DNHD1: variants seen among roughly 807,000 people sequenced by gnomAD.
DNHD1 encodes the protein dynein heavy chain domain-containing protein 1.
Under a neutral mutation model 458.1 loss-of-function variants are expected in DNHD1, and 383 were observed. That is an observed-to-expected ratio of 0.84 (90% CI 0.77 to 0.91). The LOEUF (loss-of-function observed/expected upper bound fraction) is 0.91, where lower values mean the gene tolerates loss of function less well. Ranked by LOEUF, DNHD1 falls within the 40% of genes least tolerant of loss-of-function variation. The probability of loss-of-function intolerance (pLI) is 0.00; values close to 1 mark genes in which losing one functional copy is unlikely to be tolerated. For synonymous variants in DNHD1, 2,203 were observed against 2,376.9 expected, an observed-to-expected ratio of 0.93 and a Z score of 2.13; for missense variants, 5,336 against 5,866.1, an observed-to-expected ratio of 0.91 and a Z score of 2.95.
At chr11:6,566,112 A>G in intron 33 of DNHD1, 121 bp downstream of exon 33, 1 of 1,478,446 alleles carries the variant, frequency 6.8e-7, no homozygotes, top group African/African-American at 1.4e-5. Context: ...CACTAACTAT[A>G]TTGAAGCGTC....
rs1853173622 is a variant in DNHD1, at chr11:6,544,892, G to A, written c.3953G>A (p.Arg1318Lys). ...VLSLVVPSAE[R>K]SPYFQGQQLQ... Reference sequence around the variant, plus strand: ...TCACTTGTAGTGCCCAGTGCCGAGAGGAGCCCTTACTTCCAAGGCCAGCAG... The same window carrying A: ...TCACTTGTAGTGCCCAGTGCCGAGAAGAGCCCTTACTTCCAAGGCCAGCAG... Residue 1318 changes from arginine (R) to lysine (K), a missense_variant, in exon 21 of 43, where the codon AGG (arginine) becomes AAG (lysine). By Grantham distance (26) the Arg-to-Lys change is conservative. Coordinates refer to ENST00000254579, the MANE Select transcript of DNHD1 (RefSeq NM_144666.3). 1 of 1,551,594 alleles carries A rather than the reference G, an allele frequency of 6.4e-7. No homozygotes were observed. Among genetic ancestry groups the A allele is most frequent in the South Asian group, 1.2e-5 (1 of 84,060 alleles).
At chr11:6,532,859 C>G (rs1156317727) in intron 12 of DNHD1, among the ~76,000 whole-genome samples, 168 bp from the exon 13 acceptor site, 1 of 152,136 alleles carries the variant, frequency 6.6e-6, no homozygotes, top group African/African-American at 2.4e-5. Flanking sequence ...GCACAGTCCC[C>G]AGTGCATAGC....
Position 6,571,507 on chromosome 11 carries a change from C to T in DNHD1, c.13911+84C>T. ...CTCGCAGTTACCCCTTCTTGGTGAT[C>T]TTGCCCCCGGTAACCCTGCTAGCTT... is the stretch of plus-strand genomic sequence containing the variant. On this transcript the variant is annotated intron_variant, in intron 42 of 42. Coordinates refer to ENST00000254579, the MANE Select transcript of DNHD1 (RefSeq NM_144666.3). This position sits in a 1 kb window ranked among gnomAD's most constrained non-coding sequence, Gnocchi z 5.0. The T allele has an allele frequency of 5.4e-6, 8 of 1,468,084 alleles. No homozygotes were observed. The highest frequency in any genetic ancestry group is 7.3e-6 in the Non-Finnish European group (8 of 1,101,454). The allele number at this position is 1,468,084 out of a possible 1,614,324, so 90.9% of individuals were successfully genotyped here. A position where few individuals can be genotyped will look rare whatever the true frequency, so the allele number is the denominator to read the frequency against.
At position 6,516,259 on chromosome 11, in the gene DNHD1, C is replaced by T. The variant is rs146644925; in HGVS notation, c.1393-3341C>T. Among the ~76,000 whole-genome samples the T allele has an allele frequency of 6.6e-4, 99 of 150,196 alleles. 2 individuals carry two copies. In the Middle Eastern group the frequency reaches 0.011, roughly 16 times the overall value. On this transcript the variant is annotated intron_variant, in intron 7 of 42. Transcript: ENST00000254579. ...AAACTCATTTTAAAATACATGTTTT[C>T]ACTCTCTTTTGTTTTGTCATAGTAC...
rs551487416 is a variant in DNHD1, at chr11:6,569,255, G to A, written c.12863+389G>A. 3.3e-4 allele frequency among the ~76,000 whole-genome samples: 50 copies of A among 152,208 alleles called. No homozygotes were observed. The South Asian group carries it at 4.4e-3, about 13-fold the overall frequency. ...ATCTCAGCACTTTGGGAGGCGAGGC[G>A]GATGGATCACGAGGTCAGGAGATCG... On this transcript the variant is annotated intron_variant, in intron 39 of 42. Coordinates refer to ENST00000254579, the MANE Select transcript of DNHD1 (RefSeq NM_144666.3).
chr11:6,517,652 CTTTT>C (rs59300977), intron 7 of DNHD1, among the ~76,000 whole-genome samples: 16 of 59,062 alleles, frequency 2.7e-4, no homozygotes, highest in African/African-American at 8.9e-4. Flanking sequence ...TCTAGGACTT[CTTTT>C]TTTTTTTTTT....
At position 6,571,272 on chromosome 11, in the gene DNHD1, G is replaced by T; in HGVS notation, c.13760G>T (p.Arg4587Leu). 1 of 1,612,058 alleles carries T rather than the reference G, an allele frequency of 6.2e-7. No individual in the cohort carries two copies. The highest frequency in any genetic ancestry group is 8.5e-7 in the Non-Finnish European group (1 of 1,179,562). Residue 4587 changes from arginine to leucine, a missense_variant, in exon 42 of 43, where the codon CGC becomes CTC. This residue lies in a region of DNHD1 where 698 missense variants were observed against 664.9 expected (regional missense o/e 1.05). Transcript: ENST00000254579. The surrounding 1 kb of genome is among the most constrained non-coding windows in gnomAD (Gnocchi z 5.0). ...PERVFHLSAFRHPRRLLLALR... is the reference protein window; with the variant it reads ...PERVFHLSAFLHPRRLLLALR... Reference sequence around the variant, plus strand: ...CGCGTCTTCCACCTGTCAGCCTTTCGCCACCCGCGCCGCCTGCTGCTGGCA... The same window carrying T: ...CGCGTCTTCCACCTGTCAGCCTTTCTCCACCCGCGCCGCCTGCTGCTGGCA...
Position 6,568,240 on chromosome 11 carries a change from A to G in DNHD1, c.12536A>G (p.Lys4179Arg). 1 of 1,548,660 alleles carries G rather than the reference A, an allele frequency of 6.5e-7. No homozygotes were observed. Among genetic ancestry groups the G allele is most frequent in the Non-Finnish European group, 8.7e-7 (1 of 1,144,492 alleles). Residue 4179 changes from lysine to arginine, a missense_variant and splice_region_variant, in exon 37 of 43, where the codon AAG becomes AGG. Around this residue, in one of 4 missense-constraint regions of DNHD1, gnomAD observed 695 missense variants for 804.2 expected, o/e 0.86. Transcript: ENST00000254579. Reference sequence around the variant, plus strand: ...TTGCTGGAACTGTTAGGCAGAGCCAAGGGTGAGTTTATTGCCTAGATTGGC... The same window carrying G: ...TTGCTGGAACTGTTAGGCAGAGCCAGGGGTGAGTTTATTGCCTAGATTGGC... Reference protein sequence around the residue: ...QLLLELLGRAKVVADLESEQL... With the variant: ...QLLLELLGRARVVADLESEQL...
At position 6,566,297 on chromosome 11, in the gene DNHD1, T is replaced by C. The variant is rs1053665317; in HGVS notation, c.11110T>C (p.Trp3704Arg). The change falls in exon 34 of 43, where the codon TGG becomes CGG. Residue 3704 changes from tryptophan (W) to arginine (R), a missense_variant. Physicochemically the swap from Trp to Arg is moderately radical, Grantham distance 101. Transcript: ENST00000254579. Reference protein sequence around the residue: ...ELGLGCEELQWLLQREQLSPP... With the variant: ...ELGLGCEELQRLLQREQLSPP... ...GGGTCTAGGGTGCGAAGAACTGCAA[T>C]GGCTGCTGCAACGGGAGCAGCTGAG... 11 of 1,551,820 alleles carry C rather than the reference T, an allele frequency of 7.1e-6. No individual in the cohort carries two copies. The highest frequency in any genetic ancestry group is 9.6e-6 in the Non-Finnish European group (11 of 1,147,070).
chr11:6,518,466 G>T (rs375380630), intron 7 of DNHD1, among the ~76,000 whole-genome samples: 130 of 152,238 alleles, frequency 8.5e-4, no homozygotes, highest in African/African-American at 3.0e-3. Flanking sequence ...TATTGTTGTC[G>T]TTGGTATGGT....
Position 6,567,444 on chromosome 11 carries a change from C to T in DNHD1, c.11935C>T (p.Pro3979Ser), listed in dbSNP as rs927559046. The change falls in exon 36 of 43, where the codon CCG becomes TCG. Residue 3979 changes from proline to serine, a missense_variant. Transcript: ENST00000254579. ...CAAGCCAGTCTCAGATGTGGCTCGA[C>T]CGGCCTGGCTTGGGCCAAAAGCCTG... Reference protein sequence around the residue: ...HSKPVSDVARPAWLGPKAWHE... With the variant: ...HSKPVSDVARSAWLGPKAWHE... 6.2e-7 allele frequency: 1 copy of T among 1,612,196 alleles called. No homozygotes were observed. Among genetic ancestry groups the T allele is most frequent in the South Asian group, 1.1e-5 (1 of 90,808 alleles).
At chr11:6,539,343 G>T in intron 17 of DNHD1, 30 bp downstream of exon 17, 1 of 1,489,940 alleles carries the variant, frequency 6.7e-7, no homozygotes, top group Non-Finnish European at 9.2e-7. Flanking sequence ...GGCGAGGGAG[G>T]TGGTCCAAAG....
chr11:6,558,828 C>G, intron 26 of DNHD1, 74 bp from the exon 27 acceptor site: 2 of 1,513,602 alleles, frequency 1.3e-6, no homozygotes, highest in Non-Finnish European at 1.8e-6. Context: ...TCTTCCTGAG[C>G]TAGGAGAGGA....
At chr11:6,563,178 A>T (rs1479667721) in intron 29 of DNHD1, 47 bp downstream of exon 29, 1 of 1,551,218 alleles carries the variant, frequency 6.4e-7, no homozygotes. Context: ...CTCTCAAAAG[A>T]GGGCAACCCC....
Position 6,548,349 on chromosome 11 carries a change from T to TA in DNHD1, c.7046dup (p.Tyr2349Ter). ...DGTLVPFTGQ[Y>*]LSSHIKGTLG... The stretch of plus-strand genomic sequence containing the variant: ...AACACTGGTCCCCTTCACTGGCCAA[T>TA]ACCTGAGCAGCCACATCAAAGGAAC... The change falls in exon 23 of 43, where the codon TAC becomes TAAC. Residue 2349 changes from tyrosine (Y) to a stop codon, truncating the protein, a stop_gained and frameshift_variant. Transcript: ENST00000254579. LOFTEE classifies it high-confidence loss of function. This position sits in a 1 kb window ranked among gnomAD's most constrained non-coding sequence, Gnocchi z 4.4. The TA allele has an allele frequency of 6.4e-7, 1 of 1,551,648 alleles. No homozygotes were observed. The highest frequency in any genetic ancestry group is 8.7e-7 in the Non-Finnish European group (1 of 1,146,972).
At chr11:6,555,866 CAT>C (rs1252979689) in intron 24 of DNHD1, among the ~76,000 whole-genome samples, 1 of 152,150 alleles carries the variant, frequency 6.6e-6, no homozygotes, top group African/African-American at 2.4e-5. Context: ...TTCTAAATAT[CAT>C]TGGGGTGGTG....
chr11:6,566,162 G>A, intron 33 of DNHD1, 79 bp from the exon 34 acceptor site: 3 of 1,522,212 alleles, frequency 2.0e-6, no homozygotes, highest in Non-Finnish European at 2.7e-6. Context: ...AAGCTGGTCA[G>A]AGCCAGACCT....
chr11:6,542,916 G>A (rs1485179396), intron 18 of DNHD1, among the ~76,000 whole-genome samples: 1 of 152,166 alleles, frequency 6.6e-6, no homozygotes, highest in Non-Finnish European at 1.5e-5. Context: ...GTGCTACCTC[G>A]TCATAATCTT....
At chr11:6,501,757 T>C (rs1852141052) in intron 3 of DNHD1, among the ~76,000 whole-genome samples, 1 of 152,134 alleles carries the variant, frequency 6.6e-6, no homozygotes, top group Non-Finnish European at 1.5e-5. Flanking sequence ...CAGGAACCCG[T>C]AGAGGAGCAA....
Sources: gnomAD v4.1 joint callset for allele counts (sites outside exome capture counted in the v4.1 genomes callset) on GRCh38, gnomAD v4.1.1 for gene constraint, gnomAD v4.1.1 regional missense constraint, Gnocchi (gnomAD v3.1) non-coding constraint, MANE v1.5 for transcripts, NCBI Gene and HGNC (gene_info 2026-07-23, HGNC 2026-07-21) for gene names.